Variants in KYNU observed in about 807,000 individuals in gnomAD.
KYNU encodes the protein kynureninase.
Under a neutral mutation model 59.2 loss-of-function variants are expected in KYNU, and 54 were observed. The observed-to-expected ratio is 0.91, with a 90% CI of 0.73 to 1.14. KYNU has a LOEUF of 1.14. KYNU is among the 50% of genes most tolerant of loss of function. The pLI, the probability that KYNU is intolerant of heterozygous loss-of-function variation, is 0.00. For synonymous variants in KYNU, 177 were observed against 192.0 expected (o/e 0.92, Z 0.65); for missense variants, 567 against 554.4 (o/e 1.02, Z -0.23).
intron 2 of KYNU, among the ~76,000 whole-genome samples, chr2:142,917,854 G>A (rs1196648853): frequency 6.6e-6 from 1 of 152,186 alleles, no homozygotes; most frequent in Non-Finnish European, 1.5e-5. Flanking sequence ...GACCAACATA[G>A]TACTTAATGA....
chr2:142,905,917 T>G (rs911204905), intron 2 of KYNU, among the ~76,000 whole-genome samples: 2 of 152,168 alleles, frequency 1.3e-5, no homozygotes, highest in African/African-American at 4.8e-5. Context: ...GGTTTTAAAT[T>G]TACCCTGGCT....
Position 143,052,991 on chromosome 2 carries a change from C to T in KYNU, c.*10819C>T, listed in dbSNP as rs1687291524. 6.6e-6 allele frequency: 1 copy of T among 152,376 alleles called. No homozygotes were observed. The highest frequency in any genetic ancestry group is 2.4e-5 in the African/African-American group (1 of 41,478). 9.4% of individuals were successfully genotyped at this position (152,376 alleles called of 1,614,324 possible). ...CTGCAAAGCCACAGGGGCGGACCTGCTCAAGGCTGTGGGAGACCACCTCTT... is the reference window on the plus strand; with the variant it reads ...CTGCAAAGCCACAGGGGCGGACCTGTTCAAGGCTGTGGGAGACCACCTCTT... On this transcript the variant is annotated 3_prime_UTR_variant, in exon 14 of 14. Transcript: ENST00000264170.
intron 4 of KYNU, among the ~76,000 whole-genome samples, chr2:142,930,602 T>A (rs1683177690): frequency 6.6e-6 from 1 of 152,184 alleles, no homozygotes; most frequent in Non-Finnish European, 1.5e-5. Flanking sequence ...CACTATGTCC[T>A]CACATGGCCT....
intron 2 of KYNU, among the ~76,000 whole-genome samples, chr2:142,888,768 G>C (rs764223622): frequency 6.6e-6 from 1 of 150,966 alleles, no homozygotes; most frequent in South Asian, 2.1e-4. Context: ...CATGTATTCG[G>C]CAAATATTTA....
In KYNU at chr2:143,042,630, A is replaced by ATATATATATG. The variant is rs1558990248; in HGVS notation, c.*459_*460insATATATATGT. On this transcript the variant is annotated 3_prime_UTR_variant, in exon 14 of 14. Coordinates refer to ENST00000264170, the MANE Select transcript of KYNU (RefSeq NM_003937.3). ...TATATATATATATATATATATATATATGTGTGTGTGTGTGTGTGTATATAT... is the reference window on the plus strand; with the variant it reads ...TATATATATATATATATATATATATATATATATATGTGTGTGTGTGTGTGTGTGTATATAT... 9 of 118,106 alleles carry ATATATATATG rather than the reference A, an allele frequency of 7.6e-5. No homozygotes were observed. Among genetic ancestry groups the ATATATATATG allele is most frequent in the Non-Finnish European group, 1.5e-4 (9 of 61,182 alleles). The allele number at this position is 118,106 out of a possible 1,614,324, so 7.3% of individuals were successfully genotyped here.
intron 2 of KYNU, among the ~76,000 whole-genome samples, chr2:142,887,789 G>A (rs578005578): frequency 1.3e-4 from 20 of 152,272 alleles, no homozygotes; most frequent in African/African-American, 4.1e-4. Context: ...TGTTTAATGG[G>A]TATAAAATTT....
chr2:142,974,662 TAAAC>T (rs1188121059), intron 8 of KYNU, among the ~76,000 whole-genome samples: 5 of 152,344 alleles, frequency 3.3e-5, no homozygotes, highest in Middle Eastern at 3.4e-3. Flanking sequence ...TTCTGGAACT[TAAAC>T]AAAGAGTAAC....
intron 10 of KYNU, among the ~76,000 whole-genome samples, chr2:143,004,887 C>G (rs1685824278): frequency 6.6e-6 from 1 of 152,094 alleles, no homozygotes; most frequent in Non-Finnish European, 1.5e-5. Context: ...GTATCTAACC[C>G]CCCTCTACTA....
At chr2:142,974,953 T>A (rs999847572) in intron 8 of KYNU, among the ~76,000 whole-genome samples, 4 of 152,104 alleles carry the variant, frequency 2.6e-5, no homozygotes, top group African/African-American at 4.8e-5. Context: ...TACACTTTTT[T>A]AAAATATTAG....
At chr2:142,915,923 A>G (rs1682654113) in intron 2 of KYNU, among the ~76,000 whole-genome samples, 2 of 152,128 alleles carry the variant, frequency 1.3e-5, no homozygotes, top group Admixed American at 1.3e-4. Flanking sequence ...GCCCTAATTC[A>G]ATATGTTGTG....
At chr2:142,978,896 CAAT>C (rs138151775) in intron 8 of KYNU, among the ~76,000 whole-genome samples, 10,593 of 151,864 alleles carry the variant, frequency 0.07, 544 homozygotes, top group East Asian at 0.21. Flanking sequence ...TAAATAATAA[CAAT>C]AATAATAGTC....
At chr2:142,988,485 T>C (rs1208362887) in intron 10 of KYNU, among the ~76,000 whole-genome samples, 1 of 151,942 alleles carries the variant, frequency 6.6e-6, no homozygotes, top group Admixed American at 6.6e-5. Flanking sequence ...AAGAAAGAAT[T>C]CTGGCCTTCC....
chr2:142,992,731 C>T (rs1685438012), intron 10 of KYNU, among the ~76,000 whole-genome samples: 1 of 151,884 alleles, frequency 6.6e-6, no homozygotes, highest in Non-Finnish European at 1.5e-5. Flanking sequence ...TTCACTTTCT[C>T]ATGTAAAGAG....
At chr2:142,924,034 G>A (rs1253696317) in intron 3 of KYNU, among the ~76,000 whole-genome samples, 1 of 152,136 alleles carries the variant, frequency 6.6e-6, no homozygotes. Context: ...TTGAATAAGA[G>A]AGCACTAAGA....
At position 143,051,919 on chromosome 2, in the gene KYNU, G is replaced by A. The variant is rs1481849940; in HGVS notation, c.*9747G>A. ...AACAGGCAGAGGTTGGAATGGTTTG[G>A]AGGGCTCATAAGAAGACAGGAAAGT... is the stretch of plus-strand genomic sequence containing the variant. On this transcript the variant is annotated 3_prime_UTR_variant, in exon 14 of 14. Coordinates refer to ENST00000264170, the MANE Select transcript of KYNU (RefSeq NM_003937.3). 6.6e-6 allele frequency: 1 copy of A among 152,400 alleles called. No homozygotes were observed. Among genetic ancestry groups the A allele is most frequent in the Non-Finnish European group, 1.5e-5 (1 of 68,194 alleles). 9.4% of individuals were successfully genotyped at this position (152,400 alleles called of 1,614,324 possible). A position where few individuals can be genotyped will look rare whatever the true frequency, so the allele number is the denominator to read the frequency against.
At chr2:142,998,717 A>G (rs1685617793) in intron 10 of KYNU, among the ~76,000 whole-genome samples, 1 of 152,114 alleles carries the variant, frequency 6.6e-6, no homozygotes, top group Non-Finnish European at 1.5e-5. Flanking sequence ...ACTAAAAAGA[A>G]TAGCTTCTGT....
chr2:143,014,574 T>C (rs1686200979), intron 10 of KYNU, among the ~76,000 whole-genome samples: 1 of 152,244 alleles, frequency 6.6e-6, no homozygotes, highest in Non-Finnish European at 1.5e-5. Context: ...AAGTTTGTTT[T>C]GGAACTCAAA....
At chr2:142,939,983 T>A (rs1452536684) in intron 4 of KYNU, among the ~76,000 whole-genome samples, 1 of 152,088 alleles carries the variant, frequency 6.6e-6, no homozygotes, top group African/African-American at 2.4e-5. Flanking sequence ...ACCAAGAATC[T>A]CCTCCCACAC....
chr2:142,930,075 CTTCT>C (rs1271695064), intron 4 of KYNU, among the ~76,000 whole-genome samples: 1 of 152,056 alleles, frequency 6.6e-6, no homozygotes, highest in African/African-American at 2.4e-5. Context: ...TTTTGATTTT[CTTCT>C]TTATCTGTCA....
Sources: allele counts gnomAD v4.1 joint callset (sites outside exome capture counted in the v4.1 genomes callset), GRCh38; gene constraint gnomAD v4.1.1; transcripts MANE v1.5; gene names NCBI Gene and HGNC (gene_info 2026-07-23, HGNC 2026-07-21).